Variants in LUC7L2 observed in about 807,000 individuals in gnomAD.
The protein encoded by LUC7L2 is putative RNA-binding protein Luc7-like 2.
Under a neutral mutation model 52.8 loss-of-function variants are expected in LUC7L2, and 25 were observed. That is an observed-to-expected ratio of 0.47 (90% CI 0.34 to 0.66). The LOEUF (loss-of-function observed/expected upper bound fraction) is 0.66, where lower values mean the gene tolerates loss of function less well. Among genes scored for constraint, LUC7L2 ranks in the 30% least tolerant of loss-of-function variants. The pLI, the probability that LUC7L2 is intolerant of heterozygous loss-of-function variation, is 0.01. For missense variants in LUC7L2, 328 were observed against 497.8 expected (o/e 0.66, Z 3.25); for synonymous variants, 144 against 160.9 (o/e 0.89, Z 0.80).
chr7:139,344,710 T>C (rs1207861349), intron 1 of LUC7L2, among the ~76,000 whole-genome samples: 1 of 143,190 alleles, frequency 7.0e-6, no homozygotes, highest in African/African-American at 2.6e-5. Flanking sequence ...TTTTTTTTTT[T>C]TTTTTTTGTT....
chr7:139,360,013 A>G lies in LUC7L2; in HGVS notation c.-249A>G. ...GCTTGGCCCGTGTCGCTTCTGTCCC[A>G]AGAACCGGACGGAGAGTGAGGGCAC... On this transcript the variant is annotated 5_prime_UTR_variant, in exon 1 of 10. Coordinates refer to ENST00000354926, the MANE Select transcript of LUC7L2 (RefSeq NM_016019.5). The G allele has an allele frequency of 2.0e-6, 1 of 500,874 alleles. No homozygotes were observed. The highest frequency in any genetic ancestry group is 3.5e-5 in the East Asian group (1 of 28,388). 31.0% of individuals were successfully genotyped at this position (500,874 alleles called of 1,614,324 possible).
intron 4 of LUC7L2, among the ~76,000 whole-genome samples, chr7:139,403,866 G>A (rs1795015244): frequency 6.6e-6 from 1 of 152,178 alleles, no homozygotes; most frequent in Non-Finnish European, 1.5e-5. Context: ...AGTGGTGGTA[G>A]AGGTGCAGAA....
intron 1 of LUC7L2, among the ~76,000 whole-genome samples, chr7:139,364,837 G>C (rs1014515968): frequency 2.0e-5 from 3 of 152,082 alleles, no homozygotes; most frequent in African/African-American, 7.2e-5. Context: ...CATCAACATT[G>C]AAAACATTTT....
intron 1 of LUC7L2, among the ~76,000 whole-genome samples, chr7:139,369,613 T>C (rs1800341421): frequency 6.6e-6 from 1 of 152,242 alleles, no homozygotes. Context: ...AAGGTTTTTC[T>C]TCTACTAACA....
chr7:139,405,074 C>T (rs1312203509), intron 4 of LUC7L2, among the ~76,000 whole-genome samples: 2 of 152,144 alleles, frequency 1.3e-5, no homozygotes, highest in African/African-American at 2.4e-5. Context: ...AAAAAAGATA[C>T]AAAGGTGACA....
intron 1 of LUC7L2, among the ~76,000 whole-genome samples, chr7:139,353,426 T>G (rs1352575459): frequency 6.6e-6 from 1 of 152,232 alleles, no homozygotes; most frequent in African/African-American, 2.4e-5. Flanking sequence ...TTATATTATT[T>G]TGTTACCCTC....
At chr7:139,351,566 T>G (rs1799459380) in intron 1 of LUC7L2, among the ~76,000 whole-genome samples, 1 of 152,256 alleles carries the variant, frequency 6.6e-6, no homozygotes, top group African/African-American at 2.4e-5. Context: ...AGATCTGTTC[T>G]TGTCATTCTA....
intron 1 of LUC7L2, among the ~76,000 whole-genome samples, chr7:139,353,932 T>G (rs1799533309): frequency 6.6e-6 from 1 of 151,642 alleles, no homozygotes; most frequent in Non-Finnish European, 1.5e-5. Context: ...CTGGGCAACA[T>G]GGCGAAACCC....
intron 2 of LUC7L2, among the ~76,000 whole-genome samples, chr7:139,381,537 G>A (rs544319122): frequency 5.3e-5 from 8 of 151,350 alleles, no homozygotes; most frequent in African/African-American, 1.5e-4. Flanking sequence ...AGCCTCCCGA[G>A]TAGCTGGGAT....
Position 139,360,277 on chromosome 7 carries a change from C to G in LUC7L2, c.16C>G (p.Gln6Glu). 1 of 1,567,848 alleles carries G rather than the reference C, an allele frequency of 6.4e-7. No individual in the cohort carries two copies. Among genetic ancestry groups the G allele is most frequent in the Non-Finnish European group, 8.6e-7 (1 of 1,157,634 alleles). Residue 6 changes from glutamine to glutamate, a missense_variant, in exon 1 of 10, where the codon CAG becomes GAG. Physicochemically the swap from Gln to Glu is conservative, Grantham distance 29. Coordinates refer to ENST00000354926, the MANE Select transcript of LUC7L2 (RefSeq NM_016019.5). The part of the protein sequence containing the change: MSAQA[Q>E]MRAMLDQLMG... Reference sequence around the variant, plus strand: ...CGCCGCCGCCATGTCGGCGCAGGCCCAGATGCGCGCGATGCTGGACCAGTT... The same window carrying G: ...CGCCGCCGCCATGTCGGCGCAGGCCGAGATGCGCGCGATGCTGGACCAGTT...
Position 139,360,193 on chromosome 7 carries a change from C to CT in LUC7L2, c.-67dup. 7.8e-7 allele frequency: 1 copy of CT among 1,284,070 alleles called. No homozygotes were observed. Among genetic ancestry groups the CT allele is most frequent in the Non-Finnish European group, 1.1e-6 (1 of 917,610 alleles). The allele number at this position is 1,284,070 out of a possible 1,614,324, so 79.5% of individuals were successfully genotyped here. On this transcript the variant is annotated 5_prime_UTR_variant, in exon 1 of 10. Transcript: ENST00000354926. The stretch of plus-strand genomic sequence containing the variant: ...AGCGCACCTTCCCCCATCCCTTCCC[C>CT]TTATCCCCCAGCCCAAAAGGGCCCG...
chr7:139,391,601 G>C (rs1373155151), intron 2 of LUC7L2, among the ~76,000 whole-genome samples: 4 of 150,216 alleles, frequency 2.7e-5, no homozygotes, highest in African/African-American at 9.8e-5. Context: ...TTTTTTTTTG[G>C]TGGGGGGGAC....
chr7:139,416,449 A>T (rs1396608054), intron 8 of LUC7L2: 4 of 152,140 alleles, frequency 2.6e-5, no homozygotes, highest in African/African-American at 9.7e-5. Flanking sequence ...CATTAGAAAT[A>T]CATTTTTTTT....
chr7:139,391,960 C>G (rs1198768955), intron 2 of LUC7L2, among the ~76,000 whole-genome samples: 1 of 152,118 alleles, frequency 6.6e-6, no homozygotes, highest in Non-Finnish European at 1.5e-5. Context: ...CTAGAAAGTT[C>G]AAACAACCCT....
intron 1 of LUC7L2, chr7:139,345,717 T>A (rs767258742): frequency 1.9e-6 from 3 of 1,611,832 alleles, no homozygotes; most frequent in Non-Finnish European, 1.7e-6. Flanking sequence ...ATGGAGAATA[T>A]CCTTGGATGC....
At chr7:139,395,021 TC>T (rs1794599621) in intron 2 of LUC7L2, among the ~76,000 whole-genome samples, 1 of 152,126 alleles carries the variant, frequency 6.6e-6, no homozygotes, top group Non-Finnish European at 1.5e-5. Context: ...ATGTAAAAGT[TC>T]CCCAGGTCTA....
At chr7:139,367,332 C>T (rs1417902551) in intron 1 of LUC7L2, among the ~76,000 whole-genome samples, 3 of 152,054 alleles carry the variant, frequency 2.0e-5, no homozygotes, top group Non-Finnish European at 2.9e-5. Flanking sequence ...TGTCAACTCA[C>T]TTTCTAAAAA....
intron 1 of LUC7L2, among the ~76,000 whole-genome samples, chr7:139,372,623 T>A (rs910038826): frequency 1.3e-5 from 2 of 152,166 alleles, no homozygotes; most frequent in East Asian, 3.9e-4. Flanking sequence ...CATGTTATCT[T>A]GTATTATAAC....
Position 139,422,301 on chromosome 7 carries a change from C to G in LUC7L2, c.1140C>G (p.Asp380Glu), listed in dbSNP as rs780641442. 2 of 1,613,980 alleles carry G rather than the reference C, an allele frequency of 1.2e-6. No homozygotes were observed. Among genetic ancestry groups the G allele is most frequent in the South Asian group, 1.1e-5 (1 of 91,064 alleles). The change falls in exon 10 of 10, where the codon GAC (aspartate) becomes GAG (glutamate). Residue 380 changes from aspartate to glutamate, a missense_variant. Physicochemically the swap from Asp to Glu is conservative, Grantham distance 45. Transcript: ENST00000354926. Reference sequence around the variant, plus strand: ...AGAGTGCTAATGGCAGATCAGAAGACAGGAGGAGCTCTGAAGAGCGCGAAG... The same window carrying G: ...AGAGTGCTAATGGCAGATCAGAAGAGAGGAGGAGCTCTGAAGAGCGCGAAG... Reference protein sequence around the residue: ...SYESANGRSEDRRSSEEREAG... With the variant: ...SYESANGRSEERRSSEEREAG...
Sources: gnomAD v4.1 joint callset for allele counts (sites outside exome capture counted in the v4.1 genomes callset) on GRCh38, gnomAD v4.1.1 for gene constraint, MANE v1.5 for transcripts, NCBI Gene and HGNC (gene_info 2026-07-23, HGNC 2026-07-21) for gene names.